The following CPNE4 variants were observed in gnomAD, a reference collection of about 807,000 sequenced individuals.
The protein encoded by CPNE4 is copine-4.
Under a neutral mutation model 67.9 loss-of-function variants are expected in CPNE4, and 25 were observed. The ratio of observed to expected loss-of-function variants is 0.37; its 90% CI spans 0.27 to 0.51. The LOEUF is 0.51. CPNE4 is among the 20% of genes least tolerant of loss of function. The pLI is 0.93. For missense variants in CPNE4, 464 were observed against 690.8 expected, an observed-to-expected ratio of 0.67 and a Z score of 3.68; for synonymous variants, 242 against 244.9, an observed-to-expected ratio of 0.99 and a Z score of 0.11.
chr3:131,925,022 T>G (rs1439676038), intron 1 of CPNE4, among the ~76,000 whole-genome samples: 1 of 152,186 alleles, frequency 6.6e-6, no homozygotes, highest in Admixed American at 6.5e-5. Context: ...ATTTTTCTCT[T>G]CACATTGAAT....
At chr3:131,898,809 T>C (rs2088437521) in intron 2 of CPNE4, among the ~76,000 whole-genome samples, 2 of 152,264 alleles carry the variant, frequency 1.3e-5, no homozygotes, top group Non-Finnish European at 2.9e-5. Context: ...AGATTTCTAA[T>C]ATCACCAAGA....
chr3:131,602,838 T>C (rs1939281227), intron 7 of CPNE4, among the ~76,000 whole-genome samples: 1 of 152,176 alleles, frequency 6.6e-6, no homozygotes, highest in African/African-American at 2.4e-5. Flanking sequence ...GTTATTTTAT[T>C]TGGGGACTGA....
intron 2 of CPNE4, among the ~76,000 whole-genome samples, chr3:131,883,811 A>G (rs1310212522): frequency 1.3e-5 from 2 of 152,204 alleles, no homozygotes; most frequent in Admixed American, 6.5e-5. Context: ...TGCACAGAAG[A>G]TCTCTACAAC....
At chr3:131,669,240 A>G (rs1192113339) in intron 7 of CPNE4, among the ~76,000 whole-genome samples, 3 of 152,192 alleles carry the variant, frequency 2.0e-5, no homozygotes, top group Non-Finnish European at 4.4e-5. Flanking sequence ...GGCAAGATCA[A>G]CAGAAGAATC....
intron 1 of CPNE4, among the ~76,000 whole-genome samples, chr3:132,019,829 C>T (rs186142763): frequency 2.0e-5 from 3 of 152,112 alleles, no homozygotes; most frequent in African/African-American, 7.2e-5. Flanking sequence ...CAAAGGCTGC[C>T]CTTCAGCCAA....
chr3:131,548,535 G>A (rs987563277), intron 14 of CPNE4, among the ~76,000 whole-genome samples: 1 of 152,064 alleles, frequency 6.6e-6, no homozygotes, highest in Non-Finnish European at 1.5e-5. Context: ...TTTCAGAGGG[G>A]TTGAGAGTTG....
rs575170550 is a variant in CPNE4, at chr3:131,737,741, A to G, written c.181-14116T>C. The stretch of plus-strand genomic sequence containing the variant: ...CCCTTCTATGCTGGCCCCTTGCTCA[A>G]CAGGTTAGAGGGCTCAGGAAATGTA... On this transcript the variant is annotated intron_variant, in intron 2 of 15. Transcript: ENST00000429747. Among the ~76,000 whole-genome samples the G allele has an allele frequency of 5.9e-5, 9 of 152,218 alleles. No individual in the cohort carries two copies. In the East Asian group the frequency reaches 1.7e-3, roughly 29 times the overall value.
intron 2 of CPNE4, among the ~76,000 whole-genome samples, chr3:131,735,743 CT>C (rs1229991607): frequency 6.6e-6 from 1 of 152,182 alleles, no homozygotes; most frequent in Non-Finnish European, 1.5e-5. Flanking sequence ...TGACTTCATA[CT>C]CCATGCTTGG....
At chr3:131,861,740 T>G (rs2086697353) in intron 2 of CPNE4, among the ~76,000 whole-genome samples, 1 of 150,636 alleles carries the variant, frequency 6.6e-6, no homozygotes, top group Non-Finnish European at 1.5e-5. Context: ...GCCTAGGATA[T>G]CTCATCTTTT....
chr3:131,790,183 T>C (rs1180914706), intron 2 of CPNE4, among the ~76,000 whole-genome samples: 8 of 152,172 alleles, frequency 5.3e-5, no homozygotes, highest in African/African-American at 1.9e-4. Context: ...CCTGTCTCCT[T>C]TTCCTGCCAG....
intron 1 of CPNE4, among the ~76,000 whole-genome samples, chr3:132,009,685 G>GA (rs2073700257): frequency 1.3e-5 from 2 of 152,182 alleles, no homozygotes; most frequent in Middle Eastern, 3.2e-3. Flanking sequence ...AGAGCCAGTG[G>GA]AAAAAATTAT....
chr3:131,739,094 C>T (rs890903060), intron 2 of CPNE4, among the ~76,000 whole-genome samples: 4 of 152,100 alleles, frequency 2.6e-5, no homozygotes, highest in Admixed American at 2.6e-4. Flanking sequence ...TACTTTTATA[C>T]TTCGAAGTCA....
intron 7 of CPNE4, among the ~76,000 whole-genome samples, chr3:131,608,002 A>G (rs902447877): frequency 1.3e-5 from 2 of 152,304 alleles, no homozygotes; most frequent in Non-Finnish European, 2.9e-5. Flanking sequence ...ATTGTCAATA[A>G]TTGTTAAGAT....
intron 10 of CPNE4, among the ~76,000 whole-genome samples, chr3:131,568,852 G>A (rs915205404): frequency 6.6e-6 from 1 of 151,960 alleles, no homozygotes; most frequent in East Asian, 1.9e-4. Context: ...CCTTCTCGAC[G>A]TTTTCTAAGG....
chr3:131,628,969 C>T (rs1386025149), intron 7 of CPNE4, among the ~76,000 whole-genome samples: 1 of 151,296 alleles, frequency 6.6e-6, no homozygotes, highest in South Asian at 2.1e-4. Context: ...TCTTGCTTCT[C>T]TAGTTCTTTT....
At chr3:131,702,283 T>C (rs894865473) in intron 3 of CPNE4, among the ~76,000 whole-genome samples, 1 of 152,224 alleles carries the variant, frequency 6.6e-6, no homozygotes, top group Non-Finnish European at 1.5e-5. Flanking sequence ...GCTTTATTCA[T>C]TCTACAAATA....
At chr3:131,722,082 T>C (rs2081901757) in intron 3 of CPNE4, among the ~76,000 whole-genome samples, 1 of 152,230 alleles carries the variant, frequency 6.6e-6, no homozygotes, top group African/African-American at 2.4e-5. Flanking sequence ...GAGGACACTG[T>C]CTATTTTGTC....
chr3:131,962,624 T>C (rs935376086), intron 1 of CPNE4, among the ~76,000 whole-genome samples: 1 of 152,182 alleles, frequency 6.6e-6, no homozygotes, highest in African/African-American at 2.4e-5. Context: ...GCAAGTACTG[T>C]TATAAGAACT....
intron 1 of CPNE4, among the ~76,000 whole-genome samples, chr3:131,950,476 G>A (rs2071689856): frequency 6.6e-6 from 1 of 152,026 alleles, no homozygotes; most frequent in Non-Finnish European, 1.5e-5. Context: ...TTTAAAGTAT[G>A]AAAAATGGGA....
Sources: allele counts gnomAD v4.1 joint callset (sites outside exome capture counted in the v4.1 genomes callset), GRCh38; gene constraint gnomAD v4.1.1; transcripts MANE v1.5; gene names NCBI Gene and HGNC (gene_info 2026-07-23, HGNC 2026-07-21).